PXDC1: variants seen among roughly 807,000 people sequenced by gnomAD.
PXDC1 encodes PX domain containing 1.
A neutral mutation model predicts 24.4 loss-of-function variants in PXDC1; 13 were observed. The ratio of observed to expected loss-of-function variants is 0.53; its 90% confidence interval spans 0.35 to 0.85. The LOEUF is 0.85. Ranked by LOEUF, PXDC1 falls within the 40% of genes least tolerant of loss-of-function variation. The pLI is 0.01. For synonymous variants in PXDC1, 162 were observed against 124.9 expected (o/e 1.30, Z -1.98); for missense variants, 344 against 309.3 (o/e 1.11, Z -0.84).
chr6:3,743,248 AG>A (rs1760489020), intron 1 of PXDC1, among the ~76,000 whole-genome samples: 1 of 152,210 alleles, frequency 6.6e-6, no homozygotes, highest in Admixed American at 6.5e-5. Context: ...CACACGTTAA[AG>A]AGCGTCCACT....
At chr6:3,748,191 CTT>C (rs1760611008) in intron 1 of PXDC1, among the ~76,000 whole-genome samples, 1 of 152,142 alleles carries the variant, frequency 6.6e-6, no homozygotes, top group Non-Finnish European at 1.5e-5. Context: ...AAATGAAAGA[CTT>C]GGGCCCACTG....
intron 1 of PXDC1, among the ~76,000 whole-genome samples, chr6:3,744,238 C>G (rs1054855094): frequency 6.6e-6 from 1 of 152,192 alleles, no homozygotes; most frequent in African/African-American, 2.4e-5. Flanking sequence ...GGGGGAGCAG[C>G]CCACTCAGGC....
rs1449178262 is a variant in PXDC1 at position 3,724,266 on chromosome 6, G to T, written c.579-530C>A. Among the ~76,000 whole-genome samples, 2 of 152,132 alleles carry T rather than the reference G, an allele frequency of 1.3e-5. No individual in the cohort carries two copies. The highest frequency in any genetic ancestry group is 4.8e-5 in the African/African-American group (2 of 41,438). On this transcript the variant is annotated intron_variant, in intron 4 of 4. Coordinates refer to ENST00000380283, the MANE Select transcript of PXDC1 (RefSeq NM_183373.4). The surrounding 1 kb of genome is among the most constrained non-coding windows in gnomAD (Gnocchi z 4.5). ...GAGACACCTTCTAGCGGGGAAGCCTGCATGTGGGTACGTGTTTCATTCGCG... is the reference window on the plus strand; with the variant it reads ...GAGACACCTTCTAGCGGGGAAGCCTTCATGTGGGTACGTGTTTCATTCGCG...
At chr6:3,727,295 C>T (rs1010405954) in intron 4 of PXDC1, among the ~76,000 whole-genome samples, 4 of 152,348 alleles carry the variant, frequency 2.6e-5, no homozygotes, top group South Asian at 2.1e-4. Flanking sequence ...GGGCCCCACA[C>T]GAACCAGGCC....
intron 4 of PXDC1, among the ~76,000 whole-genome samples, chr6:3,726,054 C>T (rs571201196): frequency 2.0e-5 from 3 of 152,326 alleles, no homozygotes; most frequent in East Asian, 3.9e-4. Flanking sequence ...TCCTCAGCTC[C>T]AGCCTGCTCA....
In PXDC1 at chr6:3,728,970, C is replaced by A. The variant is rs532705913; in HGVS notation, c.467-1308G>T. On this transcript the variant is annotated intron_variant, in intron 3 of 4. Coordinates refer to ENST00000380283, the MANE Select transcript of PXDC1 (RefSeq NM_183373.4). This position sits in a 1 kb window ranked among gnomAD's most constrained non-coding sequence, Gnocchi z 4.0. ...CCTCTATGCACCCCATCATAAAAGT[C>A]ATGCCTAAAATATACTCCAAATTCC... is the stretch of plus-strand genomic sequence containing the variant. Among the ~76,000 whole-genome samples, 10 of 152,216 alleles carry A rather than the reference C, an allele frequency of 6.6e-5. No homozygotes were observed. Among genetic ancestry groups the A allele is most frequent in the African/African-American group, 1.9e-4 (8 of 41,538 alleles).
intron 1 of PXDC1, among the ~76,000 whole-genome samples, chr6:3,743,699 T>C (rs1760499527): frequency 6.6e-6 from 1 of 152,216 alleles, no homozygotes; most frequent in Non-Finnish European, 1.5e-5. Context: ...CTGAGGCTGC[T>C]CTTCGCTATC....
chr6:3,751,282 G>A lies in PXDC1; in HGVS notation c.250C>T (p.Arg84Trp), dbSNP rs762422302. The change falls in exon 1 of 5, where the codon CGG becomes TGG. Residue 84 changes from arginine (R) to tryptophan (W), a missense_variant. Physicochemically the swap from Arg to Trp is moderately radical, Grantham distance 101. Coordinates refer to ENST00000380283, the MANE Select transcript of PXDC1 (RefSeq NM_183373.4). ...DRSELAQGPL[R>W]QGLVAIKEAH... Reference sequence around the variant, plus strand: ...CGCGTCCCCGGCCCCGCACCTTGCCGCAGCGGCCCCTGCGCCAGTTCGGAC... The same window carrying A: ...CGCGTCCCCGGCCCCGCACCTTGCCACAGCGGCCCCTGCGCCAGTTCGGAC... 2.0e-5 allele frequency: 31 copies of A among 1,517,236 alleles called. No homozygotes were observed. In the African/African-American group the frequency reaches 3.8e-4, roughly 19 times the overall value. The allele number at this position is 1,517,236 out of a possible 1,614,324, so 94.0% of individuals were successfully genotyped here.
Position 3,728,898 on chromosome 6 carries a change from A to C in PXDC1, c.467-1236T>G, listed in dbSNP as rs2127598174. ...CCGTGAGCCTGCTCATCTCCTAACC[A>C]CAGCTCTAAGACCAGGACCACCTTC... On this transcript the variant is annotated intron_variant, in intron 3 of 4. Coordinates refer to ENST00000380283, the MANE Select transcript of PXDC1 (RefSeq NM_183373.4). This position sits in a 1 kb window ranked among gnomAD's most constrained non-coding sequence, Gnocchi z 4.0. Among the ~76,000 whole-genome samples, 1 of 152,248 alleles carries C rather than the reference A, an allele frequency of 6.6e-6. No homozygotes were observed. The highest frequency in any genetic ancestry group is 2.1e-4 in the South Asian group (1 of 4,812).
rs564515013 is a variant in PXDC1, at chr6:3,750,972, G to A, written c.256+304C>T. On this transcript the variant is annotated intron_variant, in intron 1 of 4. Transcript: ENST00000380283. ...GAGCCGCTCAGCCCCGGGCGCCCCCGCCCTCCTCGGAAGTGACTCGTCCTC... is the reference window on the plus strand; with the variant it reads ...GAGCCGCTCAGCCCCGGGCGCCCCCACCCTCCTCGGAAGTGACTCGTCCTC... The A allele has an allele frequency of 2.9e-4, 99 of 341,098 alleles. 1 individual carries two copies. The highest frequency in any genetic ancestry group is 6.1e-4 in the Admixed American group (12 of 19,544). The allele number at this position is 341,098 out of a possible 1,614,324, so 21.1% of individuals were successfully genotyped here. A position where few individuals can be genotyped will look rare whatever the true frequency, so the allele number is the denominator to read the frequency against.
Position 3,727,555 on chromosome 6 carries a change from G to C in PXDC1, c.574C>G (p.His192Asp). 6.3e-7 allele frequency: 1 copy of C among 1,592,354 alleles called. No individual in the cohort carries two copies. The highest frequency in any genetic ancestry group is 8.6e-7 in the Non-Finnish European group (1 of 1,160,282). Residue 192 changes from histidine (H) to aspartate (D), a missense_variant, in exon 4 of 5, where the codon CAT (histidine) becomes GAT (aspartate). Coordinates refer to ENST00000380283, the MANE Select transcript of PXDC1 (RefSeq NM_183373.4). ...TATTCAAATCAGCATACTTACAAAT[G>C]CTCTGTTGGGTCCACGCCCAGCTGC... ...DQQLGVDPTE[H>D]LFENGSEFPS...
intron 3 of PXDC1, among the ~76,000 whole-genome samples, chr6:3,729,109 A>C (rs1448784267): frequency 6.6e-6 from 1 of 152,042 alleles, no homozygotes; most frequent in Non-Finnish European, 1.5e-5. Context: ...TCACTGCCCC[A>C]TCGGATGCCT....
At position 3,724,547 on chromosome 6, in the gene PXDC1, C is replaced by G. The variant is rs4959868; in HGVS notation, c.579-811G>C. ...CCCCAGGAAGGGGGACAGAGCTGTACGGCTCGTGGGATTTTCCTCCACCTA... is the reference window on the plus strand; with the variant it reads ...CCCCAGGAAGGGGGACAGAGCTGTAGGGCTCGTGGGATTTTCCTCCACCTA... On this transcript the variant is annotated intron_variant, in intron 4 of 4. Coordinates refer to ENST00000380283, the MANE Select transcript of PXDC1 (RefSeq NM_183373.4). The surrounding 1 kb of genome is among the most constrained non-coding windows in gnomAD (Gnocchi z 4.5). Among the ~76,000 whole-genome samples, 1 of 151,946 alleles carries G rather than the reference C, an allele frequency of 6.6e-6. No homozygotes were observed. The highest frequency in any genetic ancestry group is 1.5e-5 in the Non-Finnish European group (1 of 67,982).
At chr6:3,750,794 C>T (rs1442069132) in intron 1 of PXDC1, among the ~76,000 whole-genome samples, 2 of 152,156 alleles carry the variant, frequency 1.3e-5, no homozygotes, top group African/African-American at 2.4e-5. Flanking sequence ...CAGGGGCGCG[C>T]CCTCCGCGGG....
chr6:3,723,582 G>T lies in PXDC1; in HGVS notation c.*37C>A. ...ACAGTGGACAGCATCAGAGCTGGCA[G>T]TGAACAGCTGAGGCGGGGGAGGCCT... On this transcript the variant is annotated 3_prime_UTR_variant, in exon 5 of 5. Coordinates refer to ENST00000380283, the MANE Select transcript of PXDC1 (RefSeq NM_183373.4). The T allele has an allele frequency of 6.8e-7, 1 of 1,475,806 alleles. No individual in the cohort carries two copies. The highest frequency in any genetic ancestry group is 9.5e-7 in the Non-Finnish European group (1 of 1,054,960). 91.4% of individuals were successfully genotyped at this position (1,475,806 alleles called of 1,614,324 possible).
intron 3 of PXDC1, among the ~76,000 whole-genome samples, chr6:3,736,511 C>T (rs1199852802): frequency 1.3e-5 from 2 of 152,210 alleles, no homozygotes; most frequent in African/African-American, 4.8e-5. Context: ...CCTCATCAGC[C>T]TTTGTCAAAA....
intron 3 of PXDC1, among the ~76,000 whole-genome samples, chr6:3,734,328 G>A (rs966420867): frequency 2.6e-5 from 4 of 152,062 alleles, no homozygotes; most frequent in Non-Finnish European, 5.9e-5. Context: ...CCTCTCACTC[G>A]GGGGCCAGCA....
rs749031098 is a variant in PXDC1, at chr6:3,723,691, G to A, written c.624C>T (p.Asp208=). ...SEFPSELEDG[D]DPAAYVTNLS... ...GGTTGGTGACGTAGGCTGCTGGGTC[G>A]TCCCCGTCCTCCAGCTCTGAGGGAA... is the stretch of plus-strand genomic sequence containing the variant. Residue 208 remains aspartate (D), a synonymous_variant, in exon 5 of 5, where the codon GAC becomes GAT. Coordinates refer to ENST00000380283, the MANE Select transcript of PXDC1 (RefSeq NM_183373.4). The A allele has an allele frequency of 5.9e-5, 96 of 1,614,040 alleles. 1 individual carries two copies. The Middle Eastern group carries it at 6.6e-4, about 11-fold the overall frequency.
At chr6:3,740,074 A>T (rs925854874) in intron 1 of PXDC1, among the ~76,000 whole-genome samples, 2 of 152,254 alleles carry the variant, frequency 1.3e-5, no homozygotes, top group African/African-American at 4.8e-5. Flanking sequence ...TGAATGACAT[A>T]CTAGTTGTAC....
Sources: allele counts gnomAD v4.1 joint callset (sites outside exome capture counted in the v4.1 genomes callset), GRCh38; gene constraint gnomAD v4.1.1; non-coding constraint Gnocchi (gnomAD v3.1); transcripts MANE v1.5; gene names NCBI Gene and HGNC (gene_info 2026-07-23, HGNC 2026-07-21).